Variants in PTPRO observed in about 807,000 individuals in gnomAD.
The protein encoded by PTPRO is receptor-type tyrosine-protein phosphatase O.
In PTPRO, 62 loss-of-function variants were observed where a neutral mutation model predicts 145.2. That is an observed-to-expected ratio of 0.43 (90% CI 0.35 to 0.53). The LOEUF (loss-of-function observed/expected upper bound fraction) is 0.53, where lower values mean the gene tolerates loss of function less well. Among genes scored for constraint, PTPRO ranks in the 20% least tolerant of loss-of-function variants. The pLI is 0.01. For missense variants in PTPRO, 1,345 were observed against 1,482.7 expected, an observed-to-expected ratio of 0.91 and a Z score of 1.53; for synonymous variants, 565 against 514.7, an observed-to-expected ratio of 1.10 and a Z score of -1.32.
At chr12:15,434,509 A>G (rs1940542406) in intron 1 of PTPRO, among the ~76,000 whole-genome samples, 1 of 152,230 alleles carries the variant, frequency 6.6e-6, no homozygotes, top group Non-Finnish European at 1.5e-5. Flanking sequence ...GCAGGAGTTT[A>G]CAAATCCACT....
intron 1 of PTPRO, among the ~76,000 whole-genome samples, chr12:15,437,497 G>T (rs1462654162): frequency 6.6e-6 from 1 of 152,068 alleles, no homozygotes; most frequent in Non-Finnish European, 1.5e-5. Context: ...CAGTCATCTG[G>T]TTCAGCAGCC....
chr12:15,407,768 G>T (rs936132687), intron 1 of PTPRO, among the ~76,000 whole-genome samples: 1 of 152,156 alleles, frequency 6.6e-6, no homozygotes, highest in African/African-American at 2.4e-5. Context: ...AACTAGAAAG[G>T]AAAAGCATAC....
chr12:15,440,251 C>T (rs1220468025), intron 1 of PTPRO: 1 of 629,622 alleles, frequency 1.6e-6, no homozygotes, highest in East Asian at 3.2e-5. Flanking sequence ...CCTTTGATGC[C>T]ATCTCTAAGA....
chr12:15,586,101 A>C (rs1293093617), intron 23 of PTPRO, among the ~76,000 whole-genome samples: 1 of 152,212 alleles, frequency 6.6e-6, no homozygotes, highest in Non-Finnish European at 1.5e-5. Flanking sequence ...TCTTGTTATA[A>C]GTATCATTAG....
intron 12 of PTPRO, among the ~76,000 whole-genome samples, chr12:15,544,127 G>A (rs1349781630): frequency 2.0e-5 from 3 of 152,074 alleles, no homozygotes; most frequent in Non-Finnish European, 4.4e-5. Context: ...TAGAGCCAGG[G>A]AAAAAGAGGC....
intron 1 of PTPRO, among the ~76,000 whole-genome samples, chr12:15,395,957 G>A (rs1275000475): frequency 6.6e-6 from 1 of 152,086 alleles, no homozygotes; most frequent in South Asian, 2.1e-4. Context: ...AGGCCTTTGG[G>A]ATTATTAAGG....
intron 1 of PTPRO, among the ~76,000 whole-genome samples, chr12:15,368,182 C>A (rs902433367): frequency 1.3e-5 from 2 of 152,156 alleles, no homozygotes; most frequent in Non-Finnish European, 2.9e-5. Flanking sequence ...TTTAGCTGTT[C>A]CCCCAACATG....
chr12:15,483,982 A>G lies in PTPRO; in HGVS notation c.84A>G (p.Thr28=). ...TCTGTTTCATTCAACAGAATGCTACAGCTTTCCATGTAACTGTCCAAGATG... is the reference window on the plus strand; with the variant it reads ...TCTGTTTCATTCAACAGAATGCTACGGCTTTCCATGTAACTGTCCAAGATG... ...LWLFVLFKNA[T]AFHVTVQDDN... is the part of the protein sequence containing the mutation. Residue 28 remains threonine, a synonymous_variant, in exon 2 of 27, where the codon ACA becomes ACG. Transcript: ENST00000281171. The G allele has an allele frequency of 6.2e-7, 1 of 1,613,512 alleles. No homozygotes were observed. The highest frequency in any genetic ancestry group is 1.1e-5 in the South Asian group (1 of 91,064).
At chr12:15,530,975 C>G (rs1470065085) in intron 12 of PTPRO, among the ~76,000 whole-genome samples, 2 of 151,750 alleles carry the variant, frequency 1.3e-5, no homozygotes, top group Admixed American at 1.3e-4. Context: ...AAACCTTTAA[C>G]TAGACTGAGA....
Position 15,331,514 on chromosome 12 carries a change from G to A in PTPRO, c.75+8713G>A, listed in dbSNP as rs943362614. On this transcript the variant is annotated intron_variant, in intron 1 of 26. Coordinates refer to ENST00000281171, the MANE Select transcript of PTPRO (RefSeq NM_030667.3). ...CCTTTTGTTCATCTCTTATACATAT[G>A]TCTTAGAATTATTGTCAGGAATAAA... is the stretch of plus-strand genomic sequence containing the variant. 2.0e-5 allele frequency among the ~76,000 whole-genome samples: 3 copies of A among 152,164 alleles called. No homozygotes were observed. In the South Asian group the frequency reaches 6.2e-4, roughly 31 times the overall value.
intron 1 of PTPRO, among the ~76,000 whole-genome samples, chr12:15,405,820 T>C (rs1939632731): frequency 1.3e-5 from 2 of 152,188 alleles, no homozygotes; most frequent in South Asian, 4.1e-4. Context: ...CTGCTCCATT[T>C]CATCGAGAGT....
intron 5 of PTPRO, 27 bp downstream of exon 5, chr12:15,502,090 T>A (rs765029392): frequency 9.0e-6 from 14 of 1,562,140 alleles, no homozygotes; most frequent in African/African-American, 1.4e-5. Context: ...TCAGAGGAAA[T>A]AAGAACTGAT....
chr12:15,350,216 A>G (rs1179511156), intron 1 of PTPRO, among the ~76,000 whole-genome samples: 2 of 152,172 alleles, frequency 1.3e-5, no homozygotes, highest in Non-Finnish European at 2.9e-5. Context: ...CCCTGAAAAG[A>G]TGGCTCAGCC....
chr12:15,323,047 C>T (rs1866347019), intron 1 of PTPRO, among the ~76,000 whole-genome samples: 1 of 152,248 alleles, frequency 6.6e-6, no homozygotes, highest in Non-Finnish European at 1.5e-5. Context: ...GCCCTTTGTG[C>T]TCTTTTATCG....
intron 1 of PTPRO, among the ~76,000 whole-genome samples, chr12:15,361,996 TAC>T (rs1253055413): frequency 2.0e-5 from 3 of 152,308 alleles, no homozygotes; most frequent in Non-Finnish European, 4.4e-5. Flanking sequence ...GTACATGAAC[TAC>T]AGTGTCCAAA....
intron 1 of PTPRO, among the ~76,000 whole-genome samples, chr12:15,339,858 C>T (rs2136213644): frequency 6.6e-6 from 1 of 152,244 alleles, no homozygotes; most frequent in African/African-American, 2.4e-5. Flanking sequence ...CTACATGTTG[C>T]TAGCCAAAGC....
chr12:15,414,279 G>C (rs1204435089), intron 1 of PTPRO, among the ~76,000 whole-genome samples: 1 of 152,090 alleles, frequency 6.6e-6, no homozygotes, highest in East Asian at 1.9e-4. Context: ...TGCAGATTTC[G>C]ATTTATGTAT....
At chr12:15,355,664 G>A (rs1314655828) in intron 1 of PTPRO, among the ~76,000 whole-genome samples, 1 of 152,170 alleles carries the variant, frequency 6.6e-6, no homozygotes. Context: ...CCAAAATAGA[G>A]CACTTTAATC....
intron 1 of PTPRO, among the ~76,000 whole-genome samples, chr12:15,373,047 T>A (rs1399141922): frequency 6.6e-6 from 1 of 152,174 alleles, no homozygotes; most frequent in East Asian, 1.9e-4. Flanking sequence ...CAGCAATTAG[T>A]GTTTCCAGAT....
Sources: gnomAD v4.1 joint callset for allele counts (sites outside exome capture counted in the v4.1 genomes callset) on GRCh38, gnomAD v4.1.1 for gene constraint, MANE v1.5 for transcripts, NCBI Gene and HGNC (gene_info 2026-07-23, HGNC 2026-07-21) for gene names.